The following SNX29 variants were observed in gnomAD, a reference collection of about 807,000 sequenced individuals.
SNX29 encodes sorting nexin 29.
In SNX29, 78 loss-of-function variants were observed where a neutral mutation model predicts 102.1. The ratio of observed to expected loss-of-function variants is 0.76; its 90% CI spans 0.64 to 0.92. The LOEUF is 0.92. Ranked by LOEUF, SNX29 falls within the 40% of genes least tolerant of loss-of-function variation. The pLI is 0.00. For synonymous variants in SNX29, 580 were observed against 414.5 expected (o/e 1.40, Z -4.85); for missense variants, 1,280 against 1,061.7 (o/e 1.21, Z -2.86).
chr16:12,240,479 G>A (rs72786310), intron 14 of SNX29, among the ~76,000 whole-genome samples: 13,433 of 150,844 alleles, frequency 0.089, 777 homozygotes, highest in Non-Finnish European at 0.14. Flanking sequence ...TTTTAGTATT[G>A]AGTCTATAAC....
intron 3 of SNX29, among the ~76,000 whole-genome samples, chr16:12,025,324 A>AAAAAAAAT (rs2057159182): frequency 6.6e-6 from 1 of 151,012 alleles, no homozygotes; most frequent in African/African-American, 2.4e-5. Flanking sequence ...AAAAAAAAAA[A>AAAAAAAAT]GTGCCTGTGT....
chr16:12,387,260 T>A (rs2083372384), intron 16 of SNX29, among the ~76,000 whole-genome samples: 1 of 152,178 alleles, frequency 6.6e-6, no homozygotes, highest in Non-Finnish European at 1.5e-5. Flanking sequence ...GTCCTCCTTG[T>A]TCCTCATCAC....
chr16:12,562,719 T>C (rs930493529), intron 20 of SNX29, among the ~76,000 whole-genome samples: 11 of 152,216 alleles, frequency 7.2e-5, no homozygotes, highest in Non-Finnish European at 8.8e-5. Flanking sequence ...CCTACCGTGG[T>C]ACTGTTTCTC....
At chr16:12,272,677 A>G (rs180832827) in intron 14 of SNX29, among the ~76,000 whole-genome samples, 80 of 152,252 alleles carry the variant, frequency 5.3e-4, no homozygotes, top group Non-Finnish European at 2.6e-4. Flanking sequence ...GCAGGTACAT[A>G]GATAAAGTCA....
chr16:12,414,045 A>G (rs970021561), intron 18 of SNX29, among the ~76,000 whole-genome samples: 2 of 152,246 alleles, frequency 1.3e-5, no homozygotes, highest in African/African-American at 4.8e-5. Context: ...ACCTAGTACA[A>G]TGCAAATATC....
Position 12,027,453 on chromosome 16 carries a change from C to G in SNX29, c.247+9C>G. 1.2e-6 allele frequency: 2 copies of G among 1,613,346 alleles called. No homozygotes were observed. Among genetic ancestry groups the G allele is most frequent in the Non-Finnish European group, 1.7e-6 (2 of 1,179,706 alleles). ...CAGCAAAACCGAAACAGGTACTGCT[C>G]TGCCTGGCTGTAGCTTGGAGGAGCT... On this transcript the variant is annotated intron_variant, in intron 4 of 20. Transcript: ENST00000566228.
At chr16:12,343,113 C>G (rs1239090236) in intron 15 of SNX29, among the ~76,000 whole-genome samples, 1 of 152,206 alleles carries the variant, frequency 6.6e-6, no homozygotes, top group South Asian at 2.1e-4. Flanking sequence ...CAGGAGGTCT[C>G]TGTGTGCTAC....
intron 15 of SNX29, among the ~76,000 whole-genome samples, chr16:12,303,094 A>G (rs932055486): frequency 3.3e-5 from 5 of 152,246 alleles, no homozygotes; most frequent in Admixed American, 2.6e-4. Flanking sequence ...CTGCTCAGAG[A>G]ATCTTCTTTT....
intron 14 of SNX29, among the ~76,000 whole-genome samples, chr16:12,214,695 A>T (rs1368636771): frequency 6.6e-6 from 1 of 152,026 alleles, no homozygotes; most frequent in Non-Finnish European, 1.5e-5. Flanking sequence ...TTTCCGTAGA[A>T]ATAGACTCCC....
chr16:12,216,933 C>A (rs2077341141), intron 14 of SNX29, among the ~76,000 whole-genome samples: 1 of 152,188 alleles, frequency 6.6e-6, no homozygotes, highest in African/African-American at 2.4e-5. Context: ...AACATAGTCT[C>A]TTTGTTTTCC....
chr16:12,555,467 A>C (rs1052411758), intron 20 of SNX29, among the ~76,000 whole-genome samples: 2 of 146,976 alleles, frequency 1.4e-5, no homozygotes, highest in South Asian at 4.2e-4. Context: ...CCTAGTTGAC[A>C]TGTCTGAGGA....
intron 20 of SNX29, among the ~76,000 whole-genome samples, chr16:12,553,987 G>C (rs573710198): frequency 6.6e-6 from 1 of 152,202 alleles, no homozygotes; most frequent in East Asian, 1.9e-4. Flanking sequence ...ACCACATTTG[G>C]CTAATTTTTG....
chr16:12,043,220 C>G (rs2049957375), intron 5 of SNX29, 143 bp downstream of exon 5: 1 of 1,114,400 alleles, frequency 9.0e-7, no homozygotes, highest in Non-Finnish European at 1.3e-6. Flanking sequence ...GAGTGTTCTG[C>G]TGAGCTGTGG....
chr16:12,151,556 A>G (rs894497625), intron 13 of SNX29, among the ~76,000 whole-genome samples: 1 of 151,976 alleles, frequency 6.6e-6, no homozygotes, highest in Non-Finnish European at 1.5e-5. Flanking sequence ...AAGCATCTTC[A>G]CTGTTTGTTC....
chr16:12,539,653 C>T (rs1011630141), intron 20 of SNX29, among the ~76,000 whole-genome samples: 6 of 152,206 alleles, frequency 3.9e-5, no homozygotes, highest in African/African-American at 4.8e-5. Context: ...TGCATTCCCA[C>T]AGCGTATGAG....
intron 14 of SNX29, among the ~76,000 whole-genome samples, chr16:12,221,244 G>C (rs1201845418): frequency 2.6e-5 from 4 of 152,112 alleles, no homozygotes; most frequent in African/African-American, 9.7e-5. Context: ...ATTGGAGGGT[G>C]GGGGCAGAAA....
intron 15 of SNX29, among the ~76,000 whole-genome samples, chr16:12,289,814 C>A (rs530171765): frequency 6.6e-6 from 1 of 152,168 alleles, no homozygotes; most frequent in South Asian, 2.1e-4. Flanking sequence ...GAAGCCACTT[C>A]TGGGTCCCCA....
chr16:12,429,136 A>C (rs930956798), intron 18 of SNX29, among the ~76,000 whole-genome samples: 1 of 152,152 alleles, frequency 6.6e-6, no homozygotes, highest in Non-Finnish European at 1.5e-5. Flanking sequence ...AGTTAGTCCC[A>C]ACACATAGAT....
intron 5 of SNX29, among the ~76,000 whole-genome samples, chr16:12,045,480 T>C (rs779268423): frequency 1.3e-5 from 2 of 152,112 alleles, no homozygotes; most frequent in Admixed American, 6.6e-5. Context: ...CCAGATGACC[T>C]TGGACAGGCC....
Sources: gnomAD v4.1 joint callset for allele counts (sites outside exome capture counted in the v4.1 genomes callset) on GRCh38, gnomAD v4.1.1 for gene constraint, MANE v1.5 for transcripts, NCBI Gene and HGNC (gene_info 2026-07-23, HGNC 2026-07-21) for gene names.